The following ZNF385D variants were observed in gnomAD, a reference collection of about 807,000 sequenced individuals.
ZNF385D encodes the protein zinc finger protein 385D, also known as zinc finger protein 659.
ZNF385D carries 15 observed loss-of-function variants against 35.8 expected under a neutral mutation model. The observed-to-expected ratio is 0.42, with a 90% confidence interval of 0.28 to 0.64. ZNF385D has a LOEUF of 0.64. Among genes scored for constraint, ZNF385D ranks in the 30% least tolerant of loss-of-function variants. The pLI, the probability that ZNF385D is intolerant of heterozygous loss-of-function variation, is 0.23. For missense variants in ZNF385D, 474 were observed against 494.6 expected, an observed-to-expected ratio of 0.96 and a Z score of 0.39; for synonymous variants, 212 against 186.8, an observed-to-expected ratio of 1.13 and a Z score of -1.10.
intron 2 of ZNF385D, among the ~76,000 whole-genome samples, chr3:22,240,404 T>C (rs1386994238): frequency 6.6e-6 from 1 of 150,976 alleles, no homozygotes; most frequent in African/African-American, 2.5e-5. Context: ...CTTCCTGCCC[T>C]TTTGTTAATT....
chr3:21,626,845 T>C (rs772102922), intron 2 of ZNF385D, among the ~76,000 whole-genome samples: 7 of 151,944 alleles, frequency 4.6e-5, no homozygotes, highest in Non-Finnish European at 8.8e-5. Context: ...AATTTATAAG[T>C]AGGCAGGGAT....
chr3:21,844,412 G>GA lies in ZNF385D; in HGVS notation c.326-179385_326-179384insT, dbSNP rs1559682607. 2.8e-3 allele frequency among the ~76,000 whole-genome samples: 398 copies of GA among 139,956 alleles called. 9 individuals are homozygous for GA. The highest frequency in any genetic ancestry group is 0.012 in the African/African-American group (376 of 30,476). 91.8% of individuals were successfully genotyped at this position (139,956 alleles called of 152,430 possible). ...GCTTTCTTGGGGATTTTGATGATTA[G>GA]CCATTATAGATGGTGCTTTCTTGGG... is the stretch of plus-strand genomic sequence containing the variant. On this transcript the variant is annotated intron_variant, in intron 3 of 5. Coordinates refer to the ZNF385D transcript ENST00000494108.
chr3:22,328,223 CT>C (rs1694766123), intron 2 of ZNF385D, among the ~76,000 whole-genome samples: 1 of 151,946 alleles, frequency 6.6e-6, no homozygotes, highest in Non-Finnish European at 1.5e-5. Context: ...CCTCCCCTCA[CT>C]TCATGGTCCT....
intron 3 of ZNF385D, among the ~76,000 whole-genome samples, chr3:21,847,309 G>C (rs1696073440): frequency 6.6e-6 from 1 of 152,056 alleles, no homozygotes. Context: ...CGTTGCTGGA[G>C]TTCCACTGTT....
At chr3:21,682,613 T>A (rs1001860019) in intron 1 of ZNF385D, among the ~76,000 whole-genome samples, 7 of 149,936 alleles carry the variant, frequency 4.7e-5, no homozygotes, top group Non-Finnish European at 7.4e-5. Context: ...AGCCTCTAAA[T>A]CTCATATTGC....
chr3:22,000,222 T>A (rs6550649), intron 3 of ZNF385D, among the ~76,000 whole-genome samples: 3 of 151,674 alleles, frequency 2.0e-5, no homozygotes, highest in African/African-American at 4.8e-5. Context: ...GGAGAATGGC[T>A]TGAACCCAGG....
chr3:21,611,097 C>A (rs1454470402), intron 2 of ZNF385D, among the ~76,000 whole-genome samples: 1 of 152,218 alleles, frequency 6.6e-6, no homozygotes, highest in East Asian at 1.9e-4. Flanking sequence ...ATGTCTGTTA[C>A]AATCTTATGT....
In ZNF385D at chr3:21,421,271, C is replaced by T. The variant is rs376668381; in HGVS notation, c.1131G>A (p.Arg377=). ...CGGTCCGAATGGGTCCAGGAGCTGG[C>T]CGCAGGAGTGCCGGAGGAAGCGCGG... ...QTSALPPALL[R]PAPGPIRTAH... The change falls in exon 8 of 8, where the codon CGG becomes CGA. Residue 377 remains arginine (R), a synonymous_variant. Transcript: ENST00000281523. 6.2e-7 allele frequency: 1 copy of T among 1,614,082 alleles called. No individual in the cohort carries two copies. The highest frequency in any genetic ancestry group is 1.1e-5 in the South Asian group (1 of 91,084).
intron 2 of ZNF385D, among the ~76,000 whole-genome samples, chr3:21,586,680 T>C (rs1348489958): frequency 3.3e-5 from 5 of 152,348 alleles, no homozygotes; most frequent in African/African-American, 9.6e-5. Flanking sequence ...GGAAGGATGC[T>C]GTCTACATGG....
intron 2 of ZNF385D, among the ~76,000 whole-genome samples, chr3:22,304,558 A>T (rs1703099403): frequency 6.6e-6 from 1 of 152,166 alleles, no homozygotes; most frequent in Non-Finnish European, 1.5e-5. Context: ...AAATATTTTT[A>T]ATATCTTCTA....
chr3:22,119,147 C>T (rs895346184), intron 3 of ZNF385D, among the ~76,000 whole-genome samples: 7 of 152,090 alleles, frequency 4.6e-5, no homozygotes, highest in Non-Finnish European at 8.8e-5. Flanking sequence ...GAATACCACC[C>T]GCCTGATGAA....
intron 2 of ZNF385D, among the ~76,000 whole-genome samples, chr3:22,334,671 T>A (rs758230162): frequency 3.9e-5 from 6 of 152,186 alleles, no homozygotes; most frequent in Non-Finnish European, 7.4e-5. Context: ...ATCAGTCCAT[T>A]GTTTCAGATT....
At chr3:21,691,141 CTT>C (rs2067271343) in intron 1 of ZNF385D, among the ~76,000 whole-genome samples, 1 of 152,070 alleles carries the variant, frequency 6.6e-6, no homozygotes, top group African/African-American at 2.4e-5. Flanking sequence ...TCCCTCAACT[CTT>C]TAACTTTTGA....
intron 3 of ZNF385D, among the ~76,000 whole-genome samples, chr3:22,123,587 C>T (rs921868617): frequency 6.6e-6 from 1 of 152,120 alleles, no homozygotes; most frequent in Admixed American, 6.6e-5. Context: ...GGGCCGGGCG[C>T]GGTGGCTGAC....
intron 2 of ZNF385D, among the ~76,000 whole-genome samples, chr3:22,177,978 C>A (rs1359690290): frequency 6.6e-5 from 10 of 152,200 alleles, no homozygotes; most frequent in Admixed American, 1.3e-4. Context: ...TTAATCCAGT[C>A]TATCATTGTT....
At chr3:22,015,472 C>A (rs1229889314) in intron 3 of ZNF385D, among the ~76,000 whole-genome samples, 1 of 152,108 alleles carries the variant, frequency 6.6e-6, no homozygotes, top group Non-Finnish European at 1.5e-5. Context: ...GGCAGCCCCA[C>A]AGCTCACTGT....
intron 1 of ZNF385D, among the ~76,000 whole-genome samples, chr3:21,670,972 T>G (rs1294689566): frequency 1.3e-5 from 2 of 152,078 alleles, no homozygotes; most frequent in Non-Finnish European, 2.9e-5. Flanking sequence ...TGAAGGTTTT[T>G]GTGTCCTCTG....
In ZNF385D at chr3:21,926,242, G is replaced by C. The variant is rs1361050152; in HGVS notation, c.325+242575C>G. 2.6e-5 allele frequency among the ~76,000 whole-genome samples: 4 copies of C among 151,888 alleles called. No homozygotes were observed. In the South Asian group the frequency reaches 6.2e-4, roughly 24 times the overall value. ...AGTGGTTTGCTGCTCCCATAAACCT[G>C]TCATCTTCATTAGGTATTTCTCCTA... On this transcript the variant is annotated intron_variant, in intron 3 of 5. Coordinates refer to the ZNF385D transcript ENST00000494108.
chr3:21,930,839 C>T (rs1204993960), intron 3 of ZNF385D, among the ~76,000 whole-genome samples: 1 of 152,062 alleles, frequency 6.6e-6, no homozygotes, highest in African/African-American at 2.4e-5. Flanking sequence ...TGAAGACCAA[C>T]ATGTAACAGA....
Sources: gnomAD v4.1 joint callset for allele counts (sites outside exome capture counted in the v4.1 genomes callset) on GRCh38, gnomAD v4.1.1 for gene constraint, MANE v1.5 for transcripts, NCBI Gene and HGNC (gene_info 2026-07-23, HGNC 2026-07-21) for gene names.